Variants in SART3 observed in about 807,000 individuals in gnomAD.
The protein encoded by SART3 is spliceosome associated factor 3, U4/U6 recycling protein.
In SART3, 44 loss-of-function variants were observed where a neutral mutation model predicts 122.3. The ratio of observed to expected loss-of-function variants is 0.36; its 90% CI spans 0.28 to 0.46. SART3 has a LOEUF of 0.46. Ranked by LOEUF, SART3 falls within the 20% of genes least tolerant of loss-of-function variation. The probability of loss-of-function intolerance (pLI) is 1.00; values close to 1 mark genes in which losing one functional copy is unlikely to be tolerated. For synonymous variants in SART3, 442 were observed against 454.0 expected, an observed-to-expected ratio of 0.97 and a Z score of 0.34; for missense variants, 1,101 against 1,229.0, an observed-to-expected ratio of 0.90 and a Z score of 1.56.
chr12:108,524,570 C>A, intron 17 of SART3, 64 bp from the exon 18 acceptor site: 1 of 1,502,650 alleles, frequency 6.7e-7, no homozygotes, highest in Non-Finnish European at 9.2e-7. Context: ...CCTCCTCCTG[C>A]AGGGCAGGCA....
At chr12:108,524,717 T>C in intron 17 of SART3, 1 of 604,148 alleles carries the variant, frequency 1.7e-6, no homozygotes, top group Non-Finnish European at 2.9e-6. Context: ...TGCTATGCAC[T>C]GTAACTTCAG....
At chr12:108,536,276 T>G (rs954853113) in intron 11 of SART3, among the ~76,000 whole-genome samples, 1 of 152,230 alleles carries the variant, frequency 6.6e-6, no homozygotes, top group Admixed American at 6.5e-5. Context: ...CATCTAAACA[T>G]TTACTGCACA....
At chr12:108,538,241 T>C in intron 7 of SART3, 38 bp from the exon 8 acceptor site, 4 of 1,610,874 alleles carry the variant, frequency 2.5e-6, no homozygotes, top group Non-Finnish European at 3.4e-6. Flanking sequence ...AATTACACTT[T>C]ATTAAGCATT....
intron 3 of SART3, among the ~76,000 whole-genome samples, chr12:108,547,123 A>G (rs964317582): frequency 1.3e-5 from 2 of 152,224 alleles, no homozygotes; most frequent in African/African-American, 2.4e-5. Flanking sequence ...CCCAGCCTTA[A>G]AACGCTTTTT....
At chr12:108,548,045 G>T in intron 2 of SART3, 54 bp from the exon 3 acceptor site, 1 of 1,469,320 alleles carries the variant, frequency 6.8e-7, no homozygotes, top group South Asian at 1.1e-5. Flanking sequence ...CTAAGCGCAG[G>T]GACTTTACCA....
intron 18 of SART3, chr12:108,523,954 G>A: frequency 1.8e-6 from 1 of 558,666 alleles, no homozygotes; most frequent in Non-Finnish European, 3.2e-6. Context: ...CCAGCGAACA[G>A]CACAGCTTAT....
At chr12:108,537,254 G>A (rs1441190179) in intron 9 of SART3, 3 of 517,308 alleles carry the variant, frequency 5.8e-6, no homozygotes, top group African/African-American at 5.8e-5. Context: ...AGAAATGAGA[G>A]CTAAGACTAA....
At chr12:108,539,570 G>C (rs1198503416) in intron 6 of SART3, among the ~76,000 whole-genome samples, 1 of 152,220 alleles carries the variant, frequency 6.6e-6, no homozygotes, top group African/African-American at 2.4e-5. Flanking sequence ...AGGCAGCTGT[G>C]CTGAATGTTT....
chr12:108,560,897 T>C lies in SART3; in HGVS notation c.258A>G (p.Glu86=), dbSNP rs367935579. The C allele has an allele frequency of 7.4e-6, 12 of 1,612,310 alleles. No individual in the cohort carries two copies. In the African/African-American group the frequency reaches 1.5e-4, roughly 20 times the overall value. ...GGTTTTTCTCCTCCTCTTCGTCATA[T>C]TCCCACTCGTACTCCCCGGGGGAGC... The part of the protein sequence containing the change: ...AESSPGEYEW[E]YDEEEEKNQL... Residue 86 remains glutamate, a synonymous_variant, in exon 1 of 19, where the codon GAA becomes GAG. Transcript: ENST00000546815.
intron 1 of SART3, among the ~76,000 whole-genome samples, chr12:108,557,206 G>GTTTTTTTTTTTT (rs71076787): frequency 1.2e-5 from 1 of 82,930 alleles, no homozygotes; most frequent in African/African-American, 5.4e-5. Context: ...TAATGACATA[G>GTTTTTTTTTTTT]TTTTTTTTTT....
intron 7 of SART3, among the ~76,000 whole-genome samples, chr12:108,538,650 CT>C (rs954967575): frequency 1.3e-5 from 2 of 152,156 alleles, no homozygotes; most frequent in African/African-American, 4.8e-5. Context: ...GATCTGTCTA[CT>C]TTTATATGTT....
intron 3 of SART3, 126 bp from the exon 4 acceptor site, chr12:108,545,449 C>G (rs1234216029): frequency 4.8e-6 from 4 of 831,088 alleles, no homozygotes; most frequent in Non-Finnish European, 8.1e-6. Flanking sequence ...ACAGTGAAGG[C>G]CTAACAGCAG....
chr12:108,544,580 T>C (rs772388038), intron 4 of SART3, 102 bp from the exon 5 acceptor site: 1 of 1,553,232 alleles, frequency 6.4e-7, no homozygotes, highest in Non-Finnish European at 8.9e-7. Flanking sequence ...TTCTTTCTTT[T>C]TCTTTTGAGA....
rs530612305 is a variant in SART3 at position 108,522,361 on chromosome 12, C to T, written c.*1096G>A. 9.9e-5 allele frequency among the ~76,000 whole-genome samples: 15 copies of T among 152,218 alleles called. No individual in the cohort carries two copies. In the South Asian group the frequency reaches 2.1e-3, roughly 21 times the overall value. On this transcript the variant is annotated 3_prime_UTR_variant, in exon 19 of 19. Coordinates refer to ENST00000546815, the MANE Select transcript of SART3 (RefSeq NM_014706.4). ...CAGATAAATGAGGAGTTGATTCCCA[C>T]GACATATACAAGGATTCCCTGACGT... is the stretch of plus-strand genomic sequence containing the variant.
Position 108,524,380 on chromosome 12 carries a change from G to T in SART3, c.2650C>A (p.Pro884Thr), listed in dbSNP as rs1036096767. ...GCCTTCCTGGTCTCCGGCTTCTCTGGAACTTTCCTCTGAGGAGGGTTGCTG... is the reference window on the plus strand; with the variant it reads ...GCCTTCCTGGTCTCCGGCTTCTCTGTAACTTTCCTCTGAGGAGGGTTGCTG... ...AISNPPQRKV[P>T]EKPETRKAPG... Residue 884 changes from proline to threonine, a missense_variant, in exon 18 of 19, where the codon CCA becomes ACA. Around this residue, in one of 2 missense-constraint regions of SART3, gnomAD observed 885 missense variants for 1,080.1 expected, o/e 0.82. Coordinates refer to ENST00000546815, the MANE Select transcript of SART3 (RefSeq NM_014706.4). 6.2e-7 allele frequency: 1 copy of T among 1,614,026 alleles called. No individual in the cohort carries two copies. The highest frequency in any genetic ancestry group is 8.5e-7 in the Non-Finnish European group (1 of 1,180,014).
chr12:108,558,210 A>T (rs1196598388), intron 1 of SART3, among the ~76,000 whole-genome samples: 1 of 152,214 alleles, frequency 6.6e-6, no homozygotes, highest in Non-Finnish European at 1.5e-5. Context: ...AGAACTCTCA[A>T]ATATGGCAAG....
chr12:108,534,840 T>C (rs1200770201), intron 12 of SART3, among the ~76,000 whole-genome samples: 1 of 152,242 alleles, frequency 6.6e-6, no homozygotes, highest in Non-Finnish European at 1.5e-5. Flanking sequence ...GACTGAAAAG[T>C]TGGTCACATT....
chr12:108,541,892 T>G (rs930357173), intron 6 of SART3, among the ~76,000 whole-genome samples: 3 of 151,472 alleles, frequency 2.0e-5, no homozygotes, highest in Admixed American at 6.6e-5. Context: ...GACAATGCAG[T>G]GGCATGATTA....
chr12:108,526,829 T>C (rs4964716), intron 15 of SART3, among the ~76,000 whole-genome samples: 119,995 of 152,024 alleles, frequency 0.79, 47,938 homozygotes, highest in East Asian at 0.92. Flanking sequence ...ATACAAAAGG[T>C]CAGTGGATCT....
Sources: allele counts gnomAD v4.1 joint callset (sites outside exome capture counted in the v4.1 genomes callset), GRCh38; gene constraint gnomAD v4.1.1; regional missense constraint gnomAD v4.1.1; transcripts MANE v1.5; gene names NCBI Gene and HGNC (gene_info 2026-07-23, HGNC 2026-07-21).